The following DTHD1 variants were observed in gnomAD, a reference collection of about 807,000 sequenced individuals.
The protein encoded by DTHD1 is death domain containing 1.
In DTHD1, 59 loss-of-function variants were observed where a neutral mutation model predicts 74.8. The ratio of observed to expected loss-of-function variants is 0.79; its 90% CI spans 0.64 to 0.98. The LOEUF is 0.98. Among genes scored for constraint, DTHD1 ranks in the 50% least tolerant of loss-of-function variants. The probability of loss-of-function intolerance (pLI) is 0.00; values close to 1 mark genes in which losing one functional copy is unlikely to be tolerated. For synonymous variants in DTHD1, 365 were observed against 371.1 expected (o/e 0.98, Z 0.19); for missense variants, 1,051 against 1,065.4 (o/e 0.99, Z 0.19).
At chr4:36,335,625 G>A (rs1011850975) in intron 8 of DTHD1, among the ~76,000 whole-genome samples, 5 of 152,148 alleles carry the variant, frequency 3.3e-5, no homozygotes, top group East Asian at 1.9e-4. Flanking sequence ...CCTCAAAAAC[G>A]TTAAGTCTAT....
intron 2 of DTHD1, 50 bp from the exon 3 acceptor site, chr4:36,290,323 A>C: frequency 6.8e-7 from 1 of 1,480,280 alleles, no homozygotes; most frequent in Non-Finnish European, 9.0e-7. Flanking sequence ...TTAGCTGTAA[A>C]GTACATAAAT....
chr4:36,315,387 G>A (rs2109518854), intron 7 of DTHD1, among the ~76,000 whole-genome samples: 1 of 152,284 alleles, frequency 6.6e-6, no homozygotes, highest in Non-Finnish European at 1.5e-5. Flanking sequence ...GATCAACACT[G>A]TCCAATTCCA....
At chr4:36,331,091 T>C (rs1030251786) in intron 8 of DTHD1, among the ~76,000 whole-genome samples, 2 of 152,108 alleles carry the variant, frequency 1.3e-5, no homozygotes, top group Non-Finnish European at 2.9e-5. Context: ...AGGTGATTGT[T>C]GTGATGTCTG....
chr4:36,337,547 T>G (rs1464227379), intron 8 of DTHD1, among the ~76,000 whole-genome samples: 1 of 152,232 alleles, frequency 6.6e-6, no homozygotes, highest in Non-Finnish European at 1.5e-5. Context: ...AATTAGTATT[T>G]CTTTCTCAAT....
rs1756323817 is a variant in DTHD1 at position 36,295,116 on chromosome 4, T to G, written c.1643+77T>G. 26 of 1,348,536 alleles carry G rather than the reference T, an allele frequency of 1.9e-5. No individual in the cohort carries two copies. In the South Asian group the frequency reaches 4.0e-4, roughly 21 times the overall value. The allele number at this position is 1,348,536 out of a possible 1,614,324, so 83.5% of individuals were successfully genotyped here. A position where few individuals can be genotyped will look rare whatever the true frequency, so the allele number is the denominator to read the frequency against. On this transcript the variant is annotated intron_variant, in intron 5 of 9. Coordinates refer to ENST00000639862, the MANE Select transcript of DTHD1 (RefSeq NM_001170700.3). Reference sequence around the variant, plus strand: ...TAGATGATTAAAACTTGCAGTCAAATGCCTTGTATTTAAATTCTGTATTAA... The same window carrying G: ...TAGATGATTAAAACTTGCAGTCAAAGGCCTTGTATTTAAATTCTGTATTAA...
chr4:36,323,899 G>T (rs1001651548), intron 8 of DTHD1, among the ~76,000 whole-genome samples: 1 of 152,132 alleles, frequency 6.6e-6, no homozygotes, highest in African/African-American at 2.4e-5. Context: ...AGGATGGATG[G>T]AGAAGGGAGA....
chr4:36,290,163 C>T (rs541154862), intron 2 of DTHD1, among the ~76,000 whole-genome samples: 4 of 152,146 alleles, frequency 2.6e-5, no homozygotes, highest in African/African-American at 9.6e-5. Flanking sequence ...AATTCATACT[C>T]CCGTGAGATA....
rs1443024801 is a variant in DTHD1 at position 36,282,039 on chromosome 4, C to T, written c.271+10C>T. The T allele has an allele frequency of 6.6e-7, 1 of 1,519,156 alleles. No homozygotes were observed. The highest frequency in any genetic ancestry group is 8.9e-7 in the Non-Finnish European group (1 of 1,129,718). The allele number at this position is 1,519,156 out of a possible 1,614,324, so 94.1% of individuals were successfully genotyped here. Reference sequence around the variant, plus strand: ...TGTGTCTCGAGAAAAGGCAAGTATTCTTTTTTTTAGTTTATTCTTTCTCTA... The same window carrying T: ...TGTGTCTCGAGAAAAGGCAAGTATTTTTTTTTTTAGTTTATTCTTTCTCTA... On this transcript the variant is annotated intron_variant, in intron 1 of 9. Transcript: ENST00000639862.
In DTHD1 at chr4:36,308,477, A is replaced by C; in HGVS notation, c.2079A>C (p.Gly693=). ...AACAACTTCTTTTAAGATTTACTGG[A>C]AACATATTTGCTTCAAGTAAGTATA... ...EGEQLLLRFT[G]NIFASSNGKD... The change falls in exon 7 of 10, where the codon GGA becomes GGC. Residue 693 remains glycine (G), a synonymous_variant. Coordinates refer to ENST00000639862, the MANE Select transcript of DTHD1 (RefSeq NM_001170700.3). 6.4e-7 allele frequency: 1 copy of C among 1,550,754 alleles called. No homozygotes were observed. The highest frequency in any genetic ancestry group is 8.7e-7 in the Non-Finnish European group (1 of 1,146,406).
chr4:36,319,407 T>C (rs899935399), intron 8 of DTHD1, among the ~76,000 whole-genome samples: 3 of 152,216 alleles, frequency 2.0e-5, no homozygotes, highest in African/African-American at 7.2e-5. Flanking sequence ...TTCTACAAAC[T>C]CTTAACTGAC....
At chr4:36,341,782 T>C (rs1759326194) in intron 9 of DTHD1, among the ~76,000 whole-genome samples, 2 of 152,174 alleles carry the variant, frequency 1.3e-5, no homozygotes, top group South Asian at 4.1e-4. Flanking sequence ...TGTGCATAGT[T>C]GATCACTAGC....
At chr4:36,310,796 T>C (rs1187615410) in intron 7 of DTHD1, among the ~76,000 whole-genome samples, 1 of 152,122 alleles carries the variant, frequency 6.6e-6, no homozygotes, top group Non-Finnish European at 1.5e-5. Flanking sequence ...ATACAGGATC[T>C]CAGCATCTGA....
intron 8 of DTHD1, among the ~76,000 whole-genome samples, chr4:36,331,728 C>A (rs1053913990): frequency 6.6e-6 from 1 of 152,104 alleles, no homozygotes; most frequent in Non-Finnish European, 1.5e-5. Flanking sequence ...ATAAAAACAG[C>A]GTGTCATTTT....
At chr4:36,306,393 C>G in intron 6 of DTHD1, 41 bp downstream of exon 6, 1 of 1,497,460 alleles carries the variant, frequency 6.7e-7, no homozygotes. Context: ...GATACTCTTT[C>G]TGATGGTCAT....
chr4:36,314,073 T>G (rs1757554693), intron 7 of DTHD1, among the ~76,000 whole-genome samples: 1 of 150,912 alleles, frequency 6.6e-6, no homozygotes, highest in African/African-American at 2.5e-5. Flanking sequence ...GAATCTGTTT[T>G]TTTTTTTTTT....
chr4:36,320,116 A>G (rs938260272), intron 8 of DTHD1, among the ~76,000 whole-genome samples: 1 of 152,018 alleles, frequency 6.6e-6, no homozygotes, highest in Admixed American at 6.5e-5. Context: ...TTTTTTCTGA[A>G]ATATTTTTTT....
In DTHD1 at chr4:36,290,374, T is replaced by C. The variant is rs1755993371; in HGVS notation, c.889T>C (p.Tyr297His). The C allele has an allele frequency of 6.5e-7, 1 of 1,540,654 alleles. No individual in the cohort carries two copies. The highest frequency in any genetic ancestry group is 1.4e-5 in the African/African-American group (1 of 72,496). The change falls in exon 3 of 10, where the codon TAT becomes CAT. Residue 297 changes from tyrosine to histidine, a missense_variant and splice_region_variant. Tyr to His is a moderately conservative substitution (Grantham distance 83). Transcript: ENST00000639862. ...ATGACATTCTTTTTCCCCCTCCAGG[T>C]ATCTTGATGTGCTGAGTGATGTTAC... Reference protein sequence around the residue: ...KHKNNIMEKEYLDVLSDVTGP... With the variant: ...KHKNNIMEKEHLDVLSDVTGP...
intron 4 of DTHD1, among the ~76,000 whole-genome samples, chr4:36,294,044 T>G (rs116027833): frequency 6.6e-6 from 1 of 151,988 alleles, no homozygotes; most frequent in Non-Finnish European, 1.5e-5. Context: ...AATTCAAAGA[T>G]TTTGATCAGC....
chr4:36,325,080 G>A (rs1015165331), intron 8 of DTHD1, among the ~76,000 whole-genome samples: 2 of 152,154 alleles, frequency 1.3e-5, no homozygotes, highest in Non-Finnish European at 2.9e-5. Context: ...GGGAAGATTT[G>A]GAAATGTCAT....
Sources: gnomAD v4.1 joint callset for allele counts (sites outside exome capture counted in the v4.1 genomes callset) on GRCh38, gnomAD v4.1.1 for gene constraint, MANE v1.5 for transcripts, NCBI Gene and HGNC (gene_info 2026-07-23, HGNC 2026-07-21) for gene names.